LPIN2: variants seen among roughly 807,000 people sequenced by gnomAD.
LPIN2 encodes the protein phosphatidate phosphatase LPIN2.
LPIN2 carries 55 observed loss-of-function variants against 111.4 expected under a neutral mutation model. The ratio of observed to expected loss-of-function variants is 0.49; its 90% CI spans 0.40 to 0.62. The LOEUF is 0.62. Ranked by LOEUF, LPIN2 falls within the 20% of genes least tolerant of loss-of-function variation. LPIN2 has a pLI of 0.00. For synonymous variants in LPIN2, 425 were observed against 414.0 expected (o/e 1.03, Z -0.32); for missense variants, 992 against 1,112.1 (o/e 0.89, Z 1.54).
intron 1 of LPIN2, among the ~76,000 whole-genome samples, chr18:2,975,327 A>T (rs1177692277): frequency 6.6e-6 from 1 of 152,190 alleles, no homozygotes; most frequent in Non-Finnish European, 1.5e-5. Context: ...GCTACCATAC[A>T]TGAAAAATCT....
chr18:2,922,284 C>T, intron 16 of LPIN2, 85 bp from the exon 17 acceptor site: 1 of 1,499,600 alleles, frequency 6.7e-7, no homozygotes, highest in Non-Finnish European at 9.1e-7. Context: ...CCACACTTTT[C>T]TTTCTTTTTT....
In LPIN2 at chr18:2,920,797, TTC is replaced by T; in HGVS notation, c.2525_2526del (p.Arg842AsnfsTer13). 6.2e-7 allele frequency: 1 copy of T among 1,614,024 alleles called. No individual in the cohort carries two copies. On this transcript the variant is annotated frameshift_variant, in exon 19 of 20. Transcript: ENST00000677752. LOFTEE classifies it high-confidence loss of function. ...VNPKGELIQERTKGNKSSYHR... is the reference protein window; with the variant it reads ...VNPKGELIQEXTKGNKSSYHR... ...ACTTACGATGACTTGTTTCCTTTGG[TTC>T]TTTCTTGTATTAATTCACCCTTGGG...
At chr18:2,946,013 C>T in intron 4 of LPIN2, 2 of 1,385,406 alleles carry the variant, frequency 1.4e-6, no homozygotes, top group South Asian at 1.2e-5. Context: ...GAATGATATA[C>T]ACAGACTTCT....
chr18:3,006,705 C>G lies in LPIN2; in HGVS notation c.-10+6382G>C, dbSNP rs551470982. On this transcript the variant is annotated intron_variant, in intron 1 of 19. Coordinates refer to ENST00000677752, the MANE Select transcript of LPIN2 (RefSeq NM_001375808.2). ...ACAAAAAATTAGCCAGGCGTGGTGG[C>G]GGGAGCCTGTAGTCCCAGCTACTCA... 2.1e-4 allele frequency among the ~76,000 whole-genome samples: 32 copies of G among 152,162 alleles called. No individual in the cohort carries two copies. The South Asian group carries it at 5.8e-3, about 28-fold the overall frequency.
At chr18:2,972,016 C>T (rs1356508597) in intron 1 of LPIN2, among the ~76,000 whole-genome samples, 2 of 152,118 alleles carry the variant, frequency 1.3e-5, no homozygotes, top group East Asian at 3.8e-4. Flanking sequence ...CACTGCATTA[C>T]AGCCTGGGCG....
At chr18:2,926,208 T>G (rs2144137091) in intron 13 of LPIN2, among the ~76,000 whole-genome samples, 1 of 152,250 alleles carries the variant, frequency 6.6e-6, no homozygotes, top group Admixed American at 6.5e-5. Flanking sequence ...AAATAAACCC[T>G]CAGCCTTAGA....
Position 2,925,322 on chromosome 18 carries a change from C to T in LPIN2, c.1840G>A (p.Glu614Lys), listed in dbSNP as rs765017173. ...SSSDEGSQEL[E>K]ESITVDPIPT... ...ATGGGGTCCACTGTGATGGATTCTT[C>T]GAGCTCCTGTGATCCCTCGTCACTC... The change falls in exon 14 of 20, where the codon GAA becomes AAA. Residue 614 changes from glutamate to lysine, a missense_variant. Physicochemically the swap from Glu to Lys is moderately conservative, Grantham distance 56 (BLOSUM62 1). This residue lies in a region of LPIN2 where 709 missense variants were observed against 753.2 expected (regional missense o/e 0.94). Transcript: ENST00000677752. This position sits in a 1 kb window ranked among gnomAD's most constrained non-coding sequence, Gnocchi z 4.1. 38 of 1,613,946 alleles carry T rather than the reference C, an allele frequency of 2.4e-5. No individual in the cohort carries two copies. Among genetic ancestry groups the T allele is most frequent in the Non-Finnish European group, 3.0e-5 (35 of 1,179,964 alleles).
Position 2,919,938 on chromosome 18 carries a change from C to T in LPIN2, c.*355G>A, listed in dbSNP as rs2077027819. On this transcript the variant is annotated 3_prime_UTR_variant, in exon 20 of 20. Coordinates refer to ENST00000677752, the MANE Select transcript of LPIN2 (RefSeq NM_001375808.2). Reference sequence around the variant, plus strand: ...CTGCCCAGTGGAAACTGGAACACTTCACTGTGTGCAGTGTTTTGGTCCACT... The same window carrying T: ...CTGCCCAGTGGAAACTGGAACACTTTACTGTGTGCAGTGTTTTGGTCCACT... The T allele has an allele frequency of 2.8e-6, 1 of 361,272 alleles. No homozygotes were observed. Among genetic ancestry groups the T allele is most frequent in the Admixed American group, 3.8e-5 (1 of 26,362 alleles). The allele number at this position is 361,272 out of a possible 1,614,324, so 22.4% of individuals were successfully genotyped here. A position where few individuals can be genotyped will look rare whatever the true frequency, so the allele number is the denominator to read the frequency against.
At chr18:2,930,178 T>C (rs2077194112) in intron 9 of LPIN2, among the ~76,000 whole-genome samples, 1 of 152,232 alleles carries the variant, frequency 6.6e-6, no homozygotes, top group South Asian at 2.1e-4. Context: ...TTGTCATTTC[T>C]GCCTCTTCCA....
chr18:2,969,420 G>A (rs1236725767), intron 1 of LPIN2, among the ~76,000 whole-genome samples: 1 of 152,192 alleles, frequency 6.6e-6, no homozygotes, highest in African/African-American at 2.4e-5. Context: ...TAGCCAGGAT[G>A]AGGTGTGCTT....
intron 1 of LPIN2, among the ~76,000 whole-genome samples, chr18:2,998,681 C>T (rs2078381891): frequency 3.9e-5 from 1 of 25,458 alleles, no homozygotes. Context: ...AAATACATGA[C>T]AGATTTTTTT....
chr18:2,933,944 C>CA (rs1383657447), intron 8 of LPIN2, among the ~76,000 whole-genome samples: 11 of 152,228 alleles, frequency 7.2e-5, no homozygotes, highest in Non-Finnish European at 1.5e-4. Context: ...CTCAGGATCT[C>CA]AGACTCCCAA....
intron 1 of LPIN2, among the ~76,000 whole-genome samples, chr18:2,993,652 CAG>C (rs1489460721): frequency 2.0e-5 from 3 of 152,184 alleles, no homozygotes; most frequent in Non-Finnish European, 2.9e-5. Flanking sequence ...CTACACACAA[CAG>C]AGAGCTTCTT....
intron 11 of LPIN2, among the ~76,000 whole-genome samples, chr18:2,928,314 A>C (rs1462300665): frequency 1.3e-5 from 2 of 152,192 alleles, no homozygotes; most frequent in Non-Finnish European, 2.9e-5. Flanking sequence ...TATTTAACTT[A>C]TGATTAGTAA....
chr18:2,940,521 TATC>T (rs943256816), intron 5 of LPIN2, 81 bp downstream of exon 5: 10 of 788,346 alleles, frequency 1.3e-5, no homozygotes, highest in Middle Eastern at 3.1e-4. Flanking sequence ...AAATGGGAAA[TATC>T]ATTACTACAG....
intron 3 of LPIN2, 146 bp downstream of exon 3, chr18:2,954,358 G>A (rs1221012595): frequency 1.5e-6 from 1 of 671,106 alleles, no homozygotes; most frequent in African/African-American, 1.8e-5. Flanking sequence ...TGACAGCTTA[G>A]TTCTTCAACA....
At chr18:2,985,385 A>G (rs990519102) in intron 1 of LPIN2, 1 of 152,242 alleles carries the variant, frequency 6.6e-6, no homozygotes, top group Non-Finnish European at 1.5e-5. Context: ...ACAGGCTAAA[A>G]TAAAAATAAA....
At chr18:2,936,010 T>TA (rs2077280702) in intron 7 of LPIN2, among the ~76,000 whole-genome samples, 1 of 152,214 alleles carries the variant, frequency 6.6e-6, no homozygotes, top group Non-Finnish European at 1.5e-5. Flanking sequence ...TAACATTTCT[T>TA]AGAGCATAAC....
intron 1 of LPIN2, among the ~76,000 whole-genome samples, chr18:3,012,378 A>T (rs892916146): frequency 6.6e-6 from 1 of 152,368 alleles, no homozygotes; most frequent in African/African-American, 2.4e-5. Context: ...AGAGTCTTAA[A>T]ATGTTCAGGC....
Sources: allele counts gnomAD v4.1 joint callset (sites outside exome capture counted in the v4.1 genomes callset), GRCh38; gene constraint gnomAD v4.1.1; regional missense constraint gnomAD v4.1.1; non-coding constraint Gnocchi (gnomAD v3.1); transcripts MANE v1.5; gene names NCBI Gene and HGNC (gene_info 2026-07-23, HGNC 2026-07-21).